Variants in HSD17B2 observed in about 807,000 individuals in gnomAD.
The protein encoded by HSD17B2 is hydroxysteroid 17-beta dehydrogenase 2.
A neutral mutation model predicts 26.9 loss-of-function variants in HSD17B2; 32 were observed. That is an observed-to-expected ratio of 1.19 (90% CI 0.90 to 1.60). The LOEUF (loss-of-function observed/expected upper bound fraction) is 1.60, where lower values mean the gene tolerates loss of function less well. Among genes scored for constraint, HSD17B2 ranks in the 40% most tolerant of loss-of-function variants. HSD17B2 has a pLI of 0.00. For synonymous variants in HSD17B2, 246 were observed against 186.7 expected (o/e 1.32, Z -2.59); for missense variants, 613 against 468.6 (o/e 1.31, Z -2.85).
At chr16:82,073,800 C>A (rs1361506561) in intron 3 of HSD17B2, among the ~76,000 whole-genome samples, 1 of 152,106 alleles carries the variant, frequency 6.6e-6, no homozygotes, top group African/African-American at 2.4e-5. Flanking sequence ...AGATTCGATG[C>A]TATTCCTATT....
intron 3 of HSD17B2, among the ~76,000 whole-genome samples, chr16:82,077,906 G>A (rs561804744): frequency 1.3e-5 from 2 of 152,130 alleles, no homozygotes; most frequent in African/African-American, 2.4e-5. Context: ...AAATGGATTC[G>A]ATACTTAAAT....
chr16:82,052,988 T>C (rs866235897), intron 1 of HSD17B2, among the ~76,000 whole-genome samples: 1 of 152,236 alleles, frequency 6.6e-6, no homozygotes, highest in South Asian at 2.1e-4. Context: ...CCTCTTCTTA[T>C]AAAGCCACCA....
intron 3 of HSD17B2, chr16:82,090,312 T>TTG (rs1904650530): frequency 3.5e-6 from 1 of 282,662 alleles, no homozygotes; most frequent in Non-Finnish European, 4.8e-6. Context: ...GTTTTTTTTT[T>TTG]TTTTTTTTTT....
chr16:82,074,292 T>C (rs1201266348), intron 3 of HSD17B2, among the ~76,000 whole-genome samples: 1 of 152,186 alleles, frequency 6.6e-6, no homozygotes, highest in Non-Finnish European at 1.5e-5. Flanking sequence ...AAGTTTTCGT[T>C]CATCACATCC....
chr16:82,073,641 A>C (rs1281979604), intron 3 of HSD17B2, among the ~76,000 whole-genome samples: 9 of 152,092 alleles, frequency 5.9e-5, no homozygotes, highest in Admixed American at 2.0e-4. Flanking sequence ...AATACAGCTA[A>C]CTAGGGAGGT....
intron 2 of HSD17B2, 80 bp downstream of exon 2, chr16:82,068,462 C>G: frequency 8.6e-7 from 1 of 1,165,618 alleles, no homozygotes; most frequent in Admixed American, 2.1e-5. Context: ...TGAACATGCC[C>G]CCCCACTCCA....
chr16:82,097,244 ATGTCTATGTCTATGTC>A (rs1190860270), intron 4 of HSD17B2: 1 of 132,070 alleles, frequency 7.6e-6, no homozygotes, highest in Non-Finnish European at 1.7e-5. Flanking sequence ...GTCTATGTCT[ATGTCTATGTCTATGTC>A]TATGTCTATG....
At chr16:82,080,711 C>T (rs771517593) in intron 3 of HSD17B2, among the ~76,000 whole-genome samples, 1 of 152,202 alleles carries the variant, frequency 6.6e-6, no homozygotes, top group Non-Finnish European at 1.5e-5. Flanking sequence ...CGATTCCAAA[C>T]ATTTTTCTTT....
At chr16:82,057,651 T>G (rs1470203121) in intron 1 of HSD17B2, among the ~76,000 whole-genome samples, 3 of 152,182 alleles carry the variant, frequency 2.0e-5, no homozygotes. Context: ...GCAGCAGTCT[T>G]AAGTCACATG....
rs558830538 is a variant in HSD17B2, at chr16:82,037,684, G to A, written c.265+1995G>A. ...ATTAAATATCAAAAGCAACAAAAAG[G>A]GTGATAATATATGGTACATCCTCTG... On this transcript the variant is annotated intron_variant, in intron 1 of 4. Coordinates refer to ENST00000199936, the MANE Select transcript of HSD17B2 (RefSeq NM_002153.3). Among the ~76,000 whole-genome samples the A allele has an allele frequency of 4.6e-5, 7 of 152,138 alleles. No individual in the cohort carries two copies. The South Asian group carries it at 1.0e-3, about 23-fold the overall frequency.
At chr16:82,047,069 C>G (rs953760725) in intron 1 of HSD17B2, among the ~76,000 whole-genome samples, 1 of 152,210 alleles carries the variant, frequency 6.6e-6, no homozygotes, top group African/African-American at 2.4e-5. Flanking sequence ...ACTTTCATTC[C>G]TTAAGAAAGA....
rs1362042015 is a variant in HSD17B2, at chr16:82,068,228, G to A, written c.324G>A (p.Thr108=). Reference sequence around the variant, plus strand: ...AGTATCTGGATGAGCTGGGCTTCACGGTATTTGCCGGAGTTTTGAATGAAA... The same window carrying A: ...AGTATCTGGATGAGCTGGGCTTCACAGTATTTGCCGGAGTTTTGAATGAAA... The part of the protein sequence containing the change: ...LCKYLDELGF[T]VFAGVLNENG... Residue 108 remains threonine, a synonymous_variant, in exon 2 of 5, where the codon ACG becomes ACA. Coordinates refer to ENST00000199936, the MANE Select transcript of HSD17B2 (RefSeq NM_002153.3). 1.4e-5 allele frequency: 22 copies of A among 1,614,140 alleles called. No individual in the cohort carries two copies. Among genetic ancestry groups the A allele is most frequent in the Admixed American group, 8.3e-5 (5 of 60,020 alleles).
chr16:82,052,703 A>G (rs1914143878), intron 1 of HSD17B2, among the ~76,000 whole-genome samples: 1 of 152,152 alleles, frequency 6.6e-6, no homozygotes, highest in Admixed American at 6.5e-5. Flanking sequence ...CCAGGGAAAA[A>G]TATCCTTTCT....
intron 1 of HSD17B2, chr16:82,063,256 G>T (rs1914491358): frequency 6.6e-6 from 1 of 152,144 alleles, no homozygotes. Flanking sequence ...GGAAACATCT[G>T]AAAATTAAAA....
intron 3 of HSD17B2, among the ~76,000 whole-genome samples, chr16:82,072,418 T>C (rs1914718348): frequency 2.0e-5 from 3 of 152,344 alleles, no homozygotes; most frequent in South Asian, 2.1e-4. Context: ...TTTTGGCCTG[T>C]GTGGAAGCCT....
intron 3 of HSD17B2, among the ~76,000 whole-genome samples, chr16:82,073,801 T>G (rs1914752128): frequency 6.6e-6 from 1 of 152,228 alleles, no homozygotes; most frequent in Admixed American, 6.5e-5. Flanking sequence ...GATTCGATGC[T>G]ATTCCTATTA....
intron 3 of HSD17B2, among the ~76,000 whole-genome samples, chr16:82,077,269 C>G (rs1001774083): frequency 6.6e-6 from 1 of 152,188 alleles, no homozygotes; most frequent in Non-Finnish European, 1.5e-5. Context: ...TCAGATTATA[C>G]TACAGAGCCG....
At chr16:82,097,102 C>T (rs759170533) in intron 4 of HSD17B2, 2 of 151,184 alleles carry the variant, frequency 1.3e-5, no homozygotes, top group Non-Finnish European at 2.9e-5. Flanking sequence ...TATAATAGCT[C>T]ACTGCATCCT....
rs557079323 is a variant in HSD17B2, at chr16:82,088,292, C to G, written c.665-2610C>G. Among the ~76,000 whole-genome samples, 28 of 152,246 alleles carry G rather than the reference C, an allele frequency of 1.8e-4. No individual in the cohort carries two copies. The South Asian group carries it at 5.6e-3, about 31-fold the overall frequency. On this transcript the variant is annotated intron_variant, in intron 3 of 4. Transcript: ENST00000199936. ...CTATTGAGATATTATTTTGAAAAGC[C>G]TGAGTAGCACTAATGGTAGAAAGCC...
Sources: allele counts gnomAD v4.1 joint callset (sites outside exome capture counted in the v4.1 genomes callset), GRCh38; gene constraint gnomAD v4.1.1; transcripts MANE v1.5; gene names NCBI Gene and HGNC (gene_info 2026-07-23, HGNC 2026-07-21).